The following UNC13C variants were observed in gnomAD, a reference collection of about 807,000 sequenced individuals.
UNC13C encodes protein unc-13 homolog C.
A neutral mutation model predicts 245.4 loss-of-function variants in UNC13C; 174 were observed. That is an observed-to-expected ratio of 0.71 (90% CI 0.63 to 0.80). UNC13C has a LOEUF of 0.80. Ranked by LOEUF, UNC13C falls within the 30% of genes least tolerant of loss-of-function variation. The probability of loss-of-function intolerance (pLI) is 0.00; values close to 1 mark genes in which losing one functional copy is unlikely to be tolerated. For synonymous variants in UNC13C, 992 were observed against 895.1 expected (o/e 1.11, Z -1.93); for missense variants, 2,829 against 2,602.9 (o/e 1.09, Z -1.89).
chr15:54,488,429 G>A lies in UNC13C; in HGVS notation c.4934-6179G>A, dbSNP rs151266477. Among the ~76,000 whole-genome samples the A allele has an allele frequency of 1.1e-4, 16 of 152,258 alleles. No homozygotes were observed. In the East Asian group the frequency reaches 2.5e-3, roughly 24 times the overall value. On this transcript the variant is annotated intron_variant, in intron 19 of 32. Transcript: ENST00000260323. ...TAAAATAGTCTTAATGAAATTATATGTTACAAACTATAGGATAAAGCAGTG... is the reference window on the plus strand; with the variant it reads ...TAAAATAGTCTTAATGAAATTATATATTACAAACTATAGGATAAAGCAGTG...
the UNC13C span, among the ~76,000 whole-genome samples, chr15:53,952,616 G>A: frequency 1.3e-5 from 2 of 152,114 alleles, no homozygotes; most frequent in African/African-American, 4.8e-5. Flanking sequence ...TAATTTAATT[G>A]CGTGGGCTGT....
At chr15:54,093,505 G>A (rs1899681380) in intron 2 of UNC13C, among the ~76,000 whole-genome samples, 1 of 152,156 alleles carries the variant, frequency 6.6e-6, no homozygotes, top group Non-Finnish European at 1.5e-5. Context: ...GAATATTAAT[G>A]TTGCTTTCTT....
At chr15:54,030,016 A>C (rs991296482) in intron 2 of UNC13C, among the ~76,000 whole-genome samples, 3 of 152,198 alleles carry the variant, frequency 2.0e-5, no homozygotes, top group Non-Finnish European at 4.4e-5. Context: ...TCAGGGCAGC[A>C]CACTGAACCC....
chr15:54,481,485 G>A (rs1431440943), intron 19 of UNC13C, among the ~76,000 whole-genome samples: 1 of 152,182 alleles, frequency 6.6e-6, no homozygotes, highest in Non-Finnish European at 1.5e-5. Context: ...TGGAAGGTGT[G>A]TGTGTGTGTA....
intron 2 of UNC13C, among the ~76,000 whole-genome samples, chr15:54,057,550 A>G (rs1361619944): frequency 6.6e-6 from 1 of 152,092 alleles, no homozygotes; most frequent in Non-Finnish European, 1.5e-5. Context: ...TAGACAGATC[A>G]ACAAGACAGA....
the UNC13C span, among the ~76,000 whole-genome samples, chr15:53,897,679 C>G: frequency 6.6e-6 from 1 of 152,204 alleles, no homozygotes; most frequent in Non-Finnish European, 1.5e-5. Flanking sequence ...TACCCAATGC[C>G]ATTTTGGCCA....
Position 54,013,105 on chromosome 15 carries a change from A to G in UNC13C, c.202A>G (p.Lys68Glu). Reference protein sequence around the residue: ...TFKSTVKKIAKCSSTHNLSTE... With the variant: ...TFKSTVKKIAECSSTHNLSTE... The stretch of plus-strand genomic sequence containing the variant: ...TAAAAGCACTGTAAAGAAGATTGCA[A>G]AGTGTTCATCCACTCACAACTTATC... Residue 68 changes from lysine to glutamate, a missense_variant, in exon 2 of 33, where the codon AAG (lysine) becomes GAG (glutamate). Lys to Glu is a moderately conservative substitution (Grantham distance 56). Transcript: ENST00000260323. The G allele has an allele frequency of 6.2e-7, 1 of 1,613,894 alleles. No individual in the cohort carries two copies. The highest frequency in any genetic ancestry group is 1.3e-5 in the African/African-American group (1 of 75,038).
intron 29 of UNC13C, among the ~76,000 whole-genome samples, chr15:54,567,232 A>G (rs1320645746): frequency 6.6e-6 from 1 of 152,062 alleles, no homozygotes; most frequent in Non-Finnish European, 1.5e-5. Context: ...AAGTATTATT[A>G]TATTTATCAG....
chr15:54,515,754 C>T (rs994996968), intron 24 of UNC13C, among the ~76,000 whole-genome samples: 1 of 152,110 alleles, frequency 6.6e-6, no homozygotes, highest in Non-Finnish European at 1.5e-5. Context: ...TTAAGACATT[C>T]AGGGAAAAAG....
intron 19 of UNC13C, among the ~76,000 whole-genome samples, chr15:54,450,827 T>C (rs573097716): frequency 2.0e-5 from 3 of 152,146 alleles, no homozygotes; most frequent in African/African-American, 7.2e-5. Context: ...AGTACCTCAG[T>C]TGGAAATGCA....
chr15:54,452,380 G>A (rs1247188893), intron 19 of UNC13C, among the ~76,000 whole-genome samples: 1 of 152,318 alleles, frequency 6.6e-6, no homozygotes, highest in African/African-American at 2.4e-5. Context: ...CAAGCCATCT[G>A]CACTGGTGTT....
chr15:54,190,121 A>T (rs961199642), intron 4 of UNC13C, among the ~76,000 whole-genome samples: 1 of 152,250 alleles, frequency 6.6e-6, no homozygotes, highest in African/African-American at 2.4e-5. Context: ...GTCCCTGCAG[A>T]TGGCTTAACC....
At chr15:54,528,812 A>C (rs1347553256) in intron 25 of UNC13C, among the ~76,000 whole-genome samples, 1 of 152,176 alleles carries the variant, frequency 6.6e-6, no homozygotes, top group Non-Finnish European at 1.5e-5. Context: ...CAACTAGTTC[A>C]AAATATTTTC....
intron 7 of UNC13C, among the ~76,000 whole-genome samples, chr15:54,241,285 C>T (rs907344961): frequency 1.3e-5 from 2 of 151,952 alleles, no homozygotes; most frequent in East Asian, 1.9e-4. Context: ...ATTCAGACTT[C>T]GTGAAAGGGA....
At chr15:54,240,228 G>GTA (rs2035814803) in intron 7 of UNC13C, among the ~76,000 whole-genome samples, 1 of 152,072 alleles carries the variant, frequency 6.6e-6, no homozygotes, top group Admixed American at 6.6e-5. Context: ...GATTCGTAAA[G>GTA]CCCATTTCCC....
intron 10 of UNC13C, among the ~76,000 whole-genome samples, chr15:54,284,087 T>G (rs1211860484): frequency 2.0e-5 from 3 of 152,170 alleles, no homozygotes; most frequent in Non-Finnish European, 4.4e-5. Flanking sequence ...ACCAATGACT[T>G]TAGAGATTAT....
intron 4 of UNC13C, among the ~76,000 whole-genome samples, chr15:54,223,261 A>T (rs578155595): frequency 1.6e-4 from 25 of 151,954 alleles, no homozygotes; most frequent in Middle Eastern, 6.8e-3. Flanking sequence ...TTTTTATTTG[A>T]TTTTCGTATA....
chr15:54,426,743 A>G (rs965091654), intron 19 of UNC13C, among the ~76,000 whole-genome samples: 1 of 151,760 alleles, frequency 6.6e-6, no homozygotes, highest in Non-Finnish European at 1.5e-5. Context: ...GAGTACGAAA[A>G]TCTGTCTCCA....
intron 2 of UNC13C, among the ~76,000 whole-genome samples, chr15:54,098,079 G>A (rs892970725): frequency 6.6e-6 from 1 of 152,228 alleles, no homozygotes; most frequent in Non-Finnish European, 1.5e-5. Context: ...AGTAGTCTCA[G>A]CTGGACAGAG....
Sources: allele counts gnomAD v4.1 joint callset (sites outside exome capture counted in the v4.1 genomes callset), GRCh38; gene constraint gnomAD v4.1.1; transcripts MANE v1.5; gene names NCBI Gene and HGNC (gene_info 2026-07-23, HGNC 2026-07-21).